GLCE: variants seen among roughly 807,000 people sequenced by gnomAD.
The protein encoded by GLCE is glucuronic acid epimerase.
A neutral mutation model predicts 47.9 loss-of-function variants in GLCE; 19 were observed. That is an observed-to-expected ratio of 0.40 (90% CI 0.28 to 0.58). The LOEUF (loss-of-function observed/expected upper bound fraction) is 0.58. Ranked by LOEUF, GLCE falls within the 20% of genes least tolerant of loss-of-function variation. The probability of loss-of-function intolerance (pLI) is 0.48; values close to 1 mark genes in which losing one functional copy is unlikely to be tolerated. For synonymous variants in GLCE, 245 were observed against 263.4 expected (o/e 0.93, Z 0.68); for missense variants, 556 against 743.3 (o/e 0.75, Z 2.93).
At chr15:69,174,146 C>T (rs1042773640) in intron 1 of GLCE, among the ~76,000 whole-genome samples, 8 of 152,170 alleles carry the variant, frequency 5.3e-5, no homozygotes, top group South Asian at 2.1e-4. Context: ...GCATGAGCCA[C>T]CATACCTGGC....
chr15:69,255,748 C>A, intron 2 of GLCE, 46 bp from the exon 3 acceptor site: 1 of 1,054,430 alleles, frequency 9.5e-7, no homozygotes, highest in South Asian at 1.6e-5. Flanking sequence ...CTATGAAATG[C>A]CGGTAGTACA....
chr15:69,265,255 TAAAA>T (rs372785610), intron 4 of GLCE, among the ~76,000 whole-genome samples: 1 of 146,122 alleles, frequency 6.8e-6, no homozygotes, highest in Non-Finnish European at 1.5e-5. Flanking sequence ...TTTCAAACAA[TAAAA>T]AAAAAACAAA....
chr15:69,209,212 C>T (rs1216436381), intron 1 of GLCE, among the ~76,000 whole-genome samples: 4 of 151,880 alleles, frequency 2.6e-5, no homozygotes, highest in African/African-American at 9.7e-5. Context: ...GTAATAATGG[C>T]TCTAAATATC....
chr15:69,184,832 C>T (rs954451666), intron 1 of GLCE, among the ~76,000 whole-genome samples: 1 of 152,172 alleles, frequency 6.6e-6, no homozygotes, highest in Admixed American at 6.5e-5. Context: ...CAGGAAGGAG[C>T]TATATGTTCT....
chr15:69,268,586 C>T lies in GLCE; in HGVS notation c.1196C>T (p.Thr399Ile). The T allele has an allele frequency of 6.2e-7, 1 of 1,614,194 alleles. No individual in the cohort carries two copies. The highest frequency in any genetic ancestry group is 8.5e-7 in the Non-Finnish European group (1 of 1,180,018). Residue 399 changes from threonine (T) to isoleucine (I), a missense_variant, in exon 5 of 5, where the codon ACA becomes ATA. Around this residue, in one of 3 missense-constraint regions of GLCE, gnomAD observed 245 missense variants for 368.1 expected, o/e 0.67. Transcript: ENST00000261858. ...CTCGACAACATTACCATCTCTACCA[C>T]AGCCCACATGGCTGCATTTTTTGCT... ...GFLDNITIST[T>I]AHMAAFFAAS...
intron 1 of GLCE, among the ~76,000 whole-genome samples, chr15:69,209,475 T>C (rs1409089104): frequency 6.6e-6 from 1 of 152,120 alleles, no homozygotes; most frequent in Non-Finnish European, 1.5e-5. Context: ...AACATCAGTT[T>C]GATTTTCAAA....
intron 3 of GLCE, among the ~76,000 whole-genome samples, chr15:69,259,286 T>C (rs1036781914): frequency 6.6e-6 from 1 of 152,194 alleles, no homozygotes; most frequent in African/African-American, 2.4e-5. Context: ...TAGAGATGTT[T>C]CTTCAATCTG....
At chr15:69,227,388 G>T (rs2052464664) in intron 2 of GLCE, among the ~76,000 whole-genome samples, 1 of 152,142 alleles carries the variant, frequency 6.6e-6, no homozygotes, top group African/African-American at 2.4e-5. Flanking sequence ...TCTTAAATAT[G>T]ATTTGTTCAA....
At chr15:69,161,406 G>A (rs2051418459) in intron 1 of GLCE, among the ~76,000 whole-genome samples, 1 of 152,066 alleles carries the variant, frequency 6.6e-6, no homozygotes, top group Non-Finnish European at 1.5e-5. Flanking sequence ...GTTGGGGGCT[G>A]AGGGTGTGTA....
In GLCE at chr15:69,269,306, A is replaced by G; in HGVS notation, c.*62A>G. ...ACACAGAAACTACAGGCTCTGTCTC[A>G]GGAGAGCATAGGCACATTTTAAAAG... On this transcript the variant is annotated 3_prime_UTR_variant, in exon 5 of 5. Transcript: ENST00000261858. 1.6e-6 allele frequency: 2 copies of G among 1,257,832 alleles called. No individual in the cohort carries two copies. The highest frequency in any genetic ancestry group is 2.3e-6 in the Non-Finnish European group (2 of 878,386). 77.9% of individuals were successfully genotyped at this position (1,257,832 alleles called of 1,614,324 possible). A position where few individuals can be genotyped will look rare whatever the true frequency, so the allele number is the denominator to read the frequency against.
At chr15:69,196,850 C>G (rs1227624273) in intron 1 of GLCE, 1 of 169,066 alleles carries the variant, frequency 5.9e-6, no homozygotes, top group Non-Finnish European at 1.3e-5. Flanking sequence ...AACAATGAAC[C>G]ATTTCTTGAT....
chr15:69,196,047 G>A (rs1009997873), intron 1 of GLCE, among the ~76,000 whole-genome samples: 3 of 152,120 alleles, frequency 2.0e-5, no homozygotes, highest in African/African-American at 7.2e-5. Context: ...GGAAGGCATG[G>A]CAGTTGGAGG....
chr15:69,202,379 A>G (rs1185735624), intron 1 of GLCE, among the ~76,000 whole-genome samples: 1 of 152,096 alleles, frequency 6.6e-6, no homozygotes, highest in East Asian at 1.9e-4. Context: ...AGATAGATAG[A>G]CTTTTAAAAT....
chr15:69,208,154 C>T (rs529751535), intron 1 of GLCE, among the ~76,000 whole-genome samples: 1 of 151,908 alleles, frequency 6.6e-6, no homozygotes, highest in East Asian at 1.9e-4. Context: ...TGTTGAAGTC[C>T]AATTTATAAC....
chr15:69,206,867 T>A (rs1344375957), intron 1 of GLCE, among the ~76,000 whole-genome samples: 4 of 152,062 alleles, frequency 2.6e-5, no homozygotes, highest in Non-Finnish European at 5.9e-5. Flanking sequence ...AGGATAGAGC[T>A]AGGAAATAAT....
intron 1 of GLCE, among the ~76,000 whole-genome samples, chr15:69,192,351 T>C (rs2051925332): frequency 6.6e-6 from 1 of 151,838 alleles, no homozygotes; most frequent in Non-Finnish European, 1.5e-5. Flanking sequence ...ACAAATCTTA[T>C]ATAATAATAT....
intron 1 of GLCE, among the ~76,000 whole-genome samples, chr15:69,172,928 A>G (rs2051609666): frequency 1.3e-5 from 2 of 152,208 alleles, no homozygotes; most frequent in Admixed American, 1.3e-4. Context: ...TGGTGTGTAA[A>G]TATTTGATAA....
At chr15:69,247,450 C>G (rs956626767) in intron 2 of GLCE, among the ~76,000 whole-genome samples, 4 of 152,310 alleles carry the variant, frequency 2.6e-5, no homozygotes, top group Admixed American at 6.5e-5. Context: ...GACCTTAAGA[C>G]CGCCAGAATT....
intron 4 of GLCE, among the ~76,000 whole-genome samples, chr15:69,264,426 TTTTC>T (rs2053058318): frequency 6.6e-6 from 1 of 152,134 alleles, no homozygotes; most frequent in Non-Finnish European, 1.5e-5. Flanking sequence ...TTACACCATA[TTTTC>T]TTTATCTATA....
Sources: allele counts gnomAD v4.1 joint callset (sites outside exome capture counted in the v4.1 genomes callset), GRCh38; gene constraint gnomAD v4.1.1; regional missense constraint gnomAD v4.1.1; transcripts MANE v1.5; gene names NCBI Gene and HGNC (gene_info 2026-07-23, HGNC 2026-07-21).